The following NUP153 variants were observed in gnomAD, a reference collection of about 807,000 sequenced individuals.
NUP153 encodes nucleoporin 153.
A neutral mutation model predicts 134.6 loss-of-function variants in NUP153; 27 were observed. That is an observed-to-expected ratio of 0.20 (90% CI 0.15 to 0.28). The LOEUF is 0.28. Ranked by LOEUF, NUP153 falls within the 10% of genes least tolerant of loss-of-function variation. The probability of loss-of-function intolerance (pLI) is 1.00; values close to 1 mark genes in which losing one functional copy is unlikely to be tolerated. For synonymous variants in NUP153, 640 were observed against 623.5 expected, an observed-to-expected ratio of 1.03 and a Z score of -0.40; for missense variants, 1,821 against 1,731.3, an observed-to-expected ratio of 1.05 and a Z score of -0.92.
intron 11 of NUP153, among the ~76,000 whole-genome samples, chr6:17,656,247 GC>G (rs1766817065): frequency 6.6e-6 from 1 of 152,092 alleles, no homozygotes; most frequent in Non-Finnish European, 1.5e-5. Flanking sequence ...AAAGTGTGGG[GC>G]CAACATCACA....
chr6:17,683,535 G>T (rs1014960108), intron 2 of NUP153, among the ~76,000 whole-genome samples: 1 of 152,178 alleles, frequency 6.6e-6, no homozygotes, highest in African/African-American at 2.4e-5. Context: ...CAAGCAAGAG[G>T]TCTCAACAAC....
At chr6:17,622,933 A>G (rs1764720131) in intron 20 of NUP153, among the ~76,000 whole-genome samples, 1 of 152,096 alleles carries the variant, frequency 6.6e-6, no homozygotes, top group African/African-American at 2.4e-5. Context: ...GATCAAGACC[A>G]CCCTGGCTAA....
rs1030407471 is a variant in NUP153 at position 17,616,284 on chromosome 6, G to A, written c.4344-103C>T. On this transcript the variant is annotated intron_variant, in intron 21 of 21. Transcript: ENST00000262077. ...GCACAAGGGTAAGGGGGGTCGGGTG[G>A]GGGGGGAGTAGACTCACATTGGTAT... The A allele has an allele frequency of 2.0e-5, 11 of 550,662 alleles. No individual in the cohort carries two copies. In the East Asian group the frequency reaches 3.2e-4, roughly 16 times the overall value. The allele number at this position is 550,662 out of a possible 1,614,324, so 34.1% of individuals were successfully genotyped here.
chr6:17,702,498 ACT>A (rs1216075942), intron 1 of NUP153, among the ~76,000 whole-genome samples: 2 of 151,852 alleles, frequency 1.3e-5, no homozygotes, highest in East Asian at 3.9e-4. Context: ...ACAGAGCGAG[ACT>A]CTGTCTCAAA....
intron 18 of NUP153, among the ~76,000 whole-genome samples, chr6:17,627,440 C>T (rs1288364875): frequency 6.6e-6 from 1 of 152,094 alleles, no homozygotes; most frequent in Non-Finnish European, 1.5e-5. Context: ...TCAACTTTTG[C>T]ATTTTTTGCA....
chr6:17,670,441 T>G (rs1767834806), intron 5 of NUP153, among the ~76,000 whole-genome samples: 1 of 152,210 alleles, frequency 6.6e-6, no homozygotes. Flanking sequence ...TTTTGTATTT[T>G]CTTTGGATTT....
At chr6:17,651,007 G>T (rs1163424442) in intron 11 of NUP153, among the ~76,000 whole-genome samples, 1 of 152,138 alleles carries the variant, frequency 6.6e-6, no homozygotes. Context: ...GCAAAAGAGG[G>T]AGAGTTAAAA....
intron 15 of NUP153, among the ~76,000 whole-genome samples, 173 bp from the exon 16 acceptor site, chr6:17,637,943 T>C (rs1378168432): frequency 6.6e-6 from 1 of 152,246 alleles, no homozygotes; most frequent in Non-Finnish European, 1.5e-5. Flanking sequence ...AATTACCTAA[T>C]AAGTTACACT....
At position 17,661,702 on chromosome 6, in the gene NUP153, A is replaced by G. The variant is rs1268628411; in HGVS notation, c.1346T>C (p.Met449Thr). 1.9e-6 allele frequency: 3 copies of G among 1,613,916 alleles called. No individual in the cohort carries two copies. The highest frequency in any genetic ancestry group is 2.5e-6 in the Non-Finnish European group (3 of 1,179,958). ...SSGVGGGGGK[M>T]RRERTRFVAS... ...AACAAAGCGTGTTCTTTCTCGTCTC[A>G]TCTTGCCACCTCCACCACCTACTCC... Residue 449 changes from methionine to threonine, a missense_variant, in exon 11 of 22, where the codon ATG (methionine) becomes ACG (threonine). Coordinates refer to ENST00000262077, the MANE Select transcript of NUP153 (RefSeq NM_005124.4).
chr6:17,675,661 A>G lies in NUP153; in HGVS notation c.444T>C (p.Cys148=). 1.2e-6 allele frequency: 2 copies of G among 1,614,208 alleles called. No individual in the cohort carries two copies. Among genetic ancestry groups the G allele is most frequent in the Non-Finnish European group, 1.7e-6 (2 of 1,180,030 alleles). ...GGAATGCCGAGGATGTAGATGGCTG[A>G]CAGTGTAATGCAGGGGATTCCAACA... ...FSMLESPALH[C]QPSTSSAFPI... The change falls in exon 3 of 22, where the codon TGT becomes TGC. Residue 148 remains cysteine, a synonymous_variant. Coordinates refer to ENST00000262077, the MANE Select transcript of NUP153 (RefSeq NM_005124.4). The surrounding 1 kb of genome is among the most constrained non-coding windows in gnomAD (Gnocchi z 4.4).
chr6:17,622,582 C>CT (rs1764701782), intron 20 of NUP153, among the ~76,000 whole-genome samples: 2 of 152,138 alleles, frequency 1.3e-5, no homozygotes, highest in Admixed American at 6.5e-5. Context: ...CAGTGTGACT[C>CT]TAATTTTTAG....
intron 5 of NUP153, 24 bp from the exon 6 acceptor site, chr6:17,669,570 T>C (rs759486108): frequency 2.8e-6 from 4 of 1,450,432 alleles, no homozygotes; most frequent in Middle Eastern, 1.7e-4. Flanking sequence ...CCTATATTAT[T>C]TGTTGCAACA....
At chr6:17,653,192 G>A (rs767937053) in intron 11 of NUP153, among the ~76,000 whole-genome samples, 16 of 152,208 alleles carry the variant, frequency 1.1e-4, no homozygotes, top group South Asian at 2.1e-4. Flanking sequence ...GGTGGAGGCT[G>A]CAGTGAGCCA....
At chr6:17,636,827 T>C (rs537816656) in intron 16 of NUP153, among the ~76,000 whole-genome samples, 1 of 152,348 alleles carries the variant, frequency 6.6e-6, no homozygotes, top group East Asian at 1.9e-4. Flanking sequence ...AGTAATATTT[T>C]ACTCTGTACA....
At chr6:17,661,192 T>C (rs577468468) in intron 11 of NUP153, among the ~76,000 whole-genome samples, 30 of 152,220 alleles carry the variant, frequency 2.0e-4, no homozygotes, top group African/African-American at 6.0e-4. Flanking sequence ...CAAATGCCTA[T>C]AGTCCCAGCT....
chr6:17,624,853 C>G lies in NUP153; in HGVS notation c.3902-20G>C, dbSNP rs764168929. 1 of 1,554,988 alleles carries G rather than the reference C, an allele frequency of 6.4e-7. No homozygotes were observed. The highest frequency in any genetic ancestry group is 8.7e-7 in the Non-Finnish European group (1 of 1,149,420). The stretch of plus-strand genomic sequence containing the variant: ...AGGATCCTGGAGGCCCAAAGAAACA[C>G]TTAAGTCACCATGGTGGCTAATGTC... On this transcript the variant is annotated intron_variant, in intron 19 of 21. Transcript: ENST00000262077.
Position 17,706,131 on chromosome 6 carries a change from C to A in NUP153, c.111+146G>T. 1.5e-6 allele frequency: 1 copy of A among 656,574 alleles called. No homozygotes were observed. Among genetic ancestry groups the A allele is most frequent in the Non-Finnish European group, 2.6e-6 (1 of 381,928 alleles). 40.7% of individuals were successfully genotyped at this position (656,574 alleles called of 1,614,324 possible). On this transcript the variant is annotated intron_variant, in intron 1 of 21. Coordinates refer to ENST00000262077, the MANE Select transcript of NUP153 (RefSeq NM_005124.4). This position sits in a 1 kb window ranked among gnomAD's most constrained non-coding sequence, Gnocchi z 5.9. Reference sequence around the variant, plus strand: ...GCCCACTTCCCGTCGCCACCCCCAACGGCCTGAGCTCCCCCGGAGCCTCAC... The same window carrying A: ...GCCCACTTCCCGTCGCCACCCCCAAAGGCCTGAGCTCCCCCGGAGCCTCAC...
At chr6:17,679,062 AAC>A (rs1768412624) in intron 2 of NUP153, among the ~76,000 whole-genome samples, 1 of 152,218 alleles carries the variant, frequency 6.6e-6, no homozygotes, top group Non-Finnish European at 1.5e-5. Flanking sequence ...TGCAGATAAA[AAC>A]ACTCAACAAA....
chr6:17,662,202 T>C, intron 9 of NUP153, 132 bp from the exon 10 acceptor site: 2 of 766,692 alleles, frequency 2.6e-6, no homozygotes, highest in South Asian at 3.6e-5. Flanking sequence ...ATCCTGAAAT[T>C]TGAAATTACA....
Sources: gnomAD v4.1 joint callset for allele counts (sites outside exome capture counted in the v4.1 genomes callset) on GRCh38, gnomAD v4.1.1 for gene constraint, Gnocchi (gnomAD v3.1) non-coding constraint, MANE v1.5 for transcripts, NCBI Gene and HGNC (gene_info 2026-07-23, HGNC 2026-07-21) for gene names.